Variants in DNM3 observed in about 807,000 individuals in gnomAD.
The protein encoded by DNM3 is dynamin 3.
DNM3 carries 47 observed loss-of-function variants against 101.6 expected under a neutral mutation model. That is an observed-to-expected ratio of 0.46 (90% confidence interval 0.37 to 0.59). The LOEUF is 0.59. DNM3 is among the 20% of genes least tolerant of loss of function. The probability of loss-of-function intolerance (pLI) is 0.00; values close to 1 mark genes in which losing one functional copy is unlikely to be tolerated. For synonymous variants in DNM3, 385 were observed against 387.9 expected (o/e 0.99, Z 0.09); for missense variants, 849 against 1,085.7 (o/e 0.78, Z 3.06).
At chr1:172,325,542 C>T (rs1172101833) in intron 17 of DNM3, among the ~76,000 whole-genome samples, 1 of 146,352 alleles carries the variant, frequency 6.8e-6, no homozygotes, top group East Asian at 2.0e-4. Flanking sequence ...AAAAAAAAGC[C>T]TCCTCAAATC....
In DNM3 at chr1:172,403,538, C is replaced by T. The variant is rs764041703; in HGVS notation, c.2523-4234C>T. Among the ~76,000 whole-genome samples the T allele has an allele frequency of 3.9e-5, 6 of 152,154 alleles. No individual in the cohort carries two copies. In the East Asian group the frequency reaches 7.7e-4, roughly 20 times the overall value. ...ACAATGATGCATTCTTCTCTCTTAT[C>T]GGTAAAGCCAGTTTCTCCCCCACAA... On this transcript the variant is annotated intron_variant, in intron 20 of 20. Transcript: ENST00000627582.
intron 13 of DNM3, among the ~76,000 whole-genome samples, chr1:172,128,561 C>T (rs1429881878): frequency 1.3e-5 from 2 of 152,092 alleles, no homozygotes; most frequent in Admixed American, 6.5e-5. Context: ...TTTTATTTAG[C>T]CCAATATATG....
chr1:172,366,087 A>G (rs1020730388), intron 17 of DNM3, among the ~76,000 whole-genome samples: 1 of 151,798 alleles, frequency 6.6e-6, no homozygotes, highest in South Asian at 2.1e-4. Flanking sequence ...TTAATTAATT[A>G]GCTGGGCATG....
chr1:172,293,375 T>A (rs2064010589), intron 15 of DNM3, among the ~76,000 whole-genome samples: 3 of 152,216 alleles, frequency 2.0e-5, no homozygotes, highest in African/African-American at 7.2e-5. Context: ...TTAAAAGCCT[T>A]TTACCTAAGG....
intron 17 of DNM3, among the ~76,000 whole-genome samples, chr1:172,368,804 A>G (rs2068165576): frequency 6.6e-6 from 1 of 151,956 alleles, no homozygotes; most frequent in African/African-American, 2.4e-5. Flanking sequence ...AAGAAATATT[A>G]CAACTGATAC....
rs767251379 is a variant in DNM3, at chr1:172,381,960, G to A, written c.2058+2778G>A. Among the ~76,000 whole-genome samples, 10 of 152,104 alleles carry A rather than the reference G, an allele frequency of 6.6e-5. No individual in the cohort carries two copies. The East Asian group carries it at 1.2e-3, about 18-fold the overall frequency. On this transcript the variant is annotated intron_variant, in intron 18 of 20. Coordinates refer to ENST00000627582, the MANE Select transcript of DNM3 (RefSeq NM_015569.5). ...ATGGGAATGAAAAAGAATATGTTTC[G>A]GCCTTCTGAAAAAGAATATGTTTCA...
chr1:172,080,018 C>A (rs1041778728), intron 11 of DNM3, among the ~76,000 whole-genome samples: 12 of 152,190 alleles, frequency 7.9e-5, no homozygotes, highest in African/African-American at 2.9e-4. Flanking sequence ...GGGGCACCCA[C>A]CAGATGCCAG....
At chr1:172,131,611 G>T (rs375739945) in intron 14 of DNM3, among the ~76,000 whole-genome samples, 1 of 152,018 alleles carries the variant, frequency 6.6e-6, no homozygotes, top group African/African-American at 2.4e-5. Flanking sequence ...AACAATTTTC[G>T]TTAAAGAAAG....
chr1:172,027,857 C>A (rs923929181), intron 4 of DNM3, among the ~76,000 whole-genome samples: 2 of 152,078 alleles, frequency 1.3e-5, no homozygotes, highest in African/African-American at 4.8e-5. Flanking sequence ...GGGATCAATG[C>A]AACAAGAAGA....
chr1:171,983,429 T>C (rs1323173923), intron 2 of DNM3, among the ~76,000 whole-genome samples: 1 of 96,252 alleles, frequency 1.0e-5, no homozygotes, highest in Non-Finnish European at 2.1e-5. Flanking sequence ...ATCCTCAAGT[T>C]GCCAAATTCT....
intron 14 of DNM3, among the ~76,000 whole-genome samples, chr1:172,136,313 A>C (rs1269431026): frequency 6.6e-6 from 1 of 152,208 alleles, no homozygotes. Context: ...TCCCTGGATG[A>C]TCAAAGTTGT....
chr1:171,966,074 A>G (rs191314610), intron 2 of DNM3, among the ~76,000 whole-genome samples: 1 of 152,278 alleles, frequency 6.6e-6, no homozygotes, highest in East Asian at 1.9e-4. Flanking sequence ...CTTATGTTGC[A>G]TTCACCACTT....
At chr1:172,210,031 C>T (rs2060458913) in intron 14 of DNM3, among the ~76,000 whole-genome samples, 1 of 151,968 alleles carries the variant, frequency 6.6e-6, no homozygotes, top group Non-Finnish European at 1.5e-5. Flanking sequence ...ACCATTCTAA[C>T]CTCATTACAA....
chr1:172,141,660 G>A (rs1302321807), intron 14 of DNM3, among the ~76,000 whole-genome samples: 1 of 152,078 alleles, frequency 6.6e-6, no homozygotes, highest in Non-Finnish European at 1.5e-5. Context: ...TTCCCACAGA[G>A]TGAAATACAT....
chr1:172,113,241 G>A (rs950464340), intron 13 of DNM3, among the ~76,000 whole-genome samples: 3 of 152,064 alleles, frequency 2.0e-5, no homozygotes, highest in Admixed American at 6.6e-5. Flanking sequence ...TCTTGGTAAC[G>A]TTAACATTCC....
intron 10 of DNM3, among the ~76,000 whole-genome samples, chr1:172,051,525 T>G (rs1297354699): frequency 6.6e-6 from 1 of 152,162 alleles, no homozygotes; most frequent in Non-Finnish European, 1.5e-5. Context: ...CTTGTTGTCA[T>G]CAAAAAATGT....
intron 1 of DNM3, among the ~76,000 whole-genome samples, chr1:171,901,120 AAAAAAAAAAAAG>A (rs1431074037): frequency 3.4e-5 from 5 of 148,700 alleles, no homozygotes; most frequent in African/African-American, 7.4e-5. Context: ...CTCAAAAAAA[AAAAAAAAAAAAG>A]AAAGAAATCT....
chr1:172,233,780 C>A (rs983215441), intron 14 of DNM3, among the ~76,000 whole-genome samples: 27 of 151,956 alleles, frequency 1.8e-4, no homozygotes, highest in Middle Eastern at 3.4e-3. Flanking sequence ...ACAGAACCAA[C>A]GACAAAAACC....
At chr1:171,844,872 C>G (rs928631320) in intron 1 of DNM3, among the ~76,000 whole-genome samples, 8 of 152,184 alleles carry the variant, frequency 5.3e-5, no homozygotes, top group African/African-American at 1.7e-4. Flanking sequence ...TTTCATTATA[C>G]GTATACATAT....
Sources: gnomAD v4.1 joint callset for allele counts (sites outside exome capture counted in the v4.1 genomes callset) on GRCh38, gnomAD v4.1.1 for gene constraint, MANE v1.5 for transcripts, NCBI Gene and HGNC (gene_info 2026-07-23, HGNC 2026-07-21) for gene names.